The following ABAT variants were observed in gnomAD, a reference collection of about 807,000 sequenced individuals.
ABAT encodes 4-aminobutyrate aminotransferase, mitochondrial.
ABAT carries 45 observed loss-of-function variants against 64.6 expected under a neutral mutation model. That is an observed-to-expected ratio of 0.70 (90% CI 0.55 to 0.89). The LOEUF (loss-of-function observed/expected upper bound fraction) is 0.89, where lower values mean the gene tolerates loss of function less well. Among genes scored for constraint, ABAT ranks in the 40% least tolerant of loss-of-function variants. The probability of loss-of-function intolerance (pLI) is 0.00; values close to 1 mark genes in which losing one functional copy is unlikely to be tolerated. For missense variants in ABAT, 633 were observed against 658.4 expected, an observed-to-expected ratio of 0.96 and a Z score of 0.42; for synonymous variants, 297 against 250.5, an observed-to-expected ratio of 1.19 and a Z score of -1.75.
At chr16:8,710,727 A>AGAGAGAGAGAGAGAGAGAGG (rs146344975) in intron 1 of ABAT, among the ~76,000 whole-genome samples, 1 of 103,700 alleles carries the variant, frequency 9.6e-6, no homozygotes, top group Non-Finnish European at 2.1e-5. Context: ...AGAGAGAGAG[A>AGAGAGAGAGAGAGAGAGAGG]GAGGAAATAG....
intron 3 of ABAT, among the ~76,000 whole-genome samples, chr16:8,747,702 T>C (rs1034838963): frequency 6.6e-6 from 1 of 152,214 alleles, no homozygotes; most frequent in Non-Finnish European, 1.5e-5. Flanking sequence ...GTTTGGATTA[T>C]AATTATAAAT....
intron 2 of ABAT, among the ~76,000 whole-genome samples, chr16:8,743,318 C>CTGTGTG (rs56100974): frequency 1.2e-3 from 174 of 142,610 alleles, no homozygotes; most frequent in African/African-American, 3.9e-3. Flanking sequence ...ATGTGTGTCT[C>CTGTGTG]TGTGTGTGTG....
chr16:8,735,986 G>T (rs1441926982), intron 2 of ABAT, 177 bp downstream of exon 2: 3 of 614,792 alleles, frequency 4.9e-6, no homozygotes, highest in Non-Finnish European at 5.7e-6. Flanking sequence ...CTGAGACTGG[G>T]TATTTTATGA....
At chr16:8,717,710 G>GTT (rs2058251791) in intron 1 of ABAT, among the ~76,000 whole-genome samples, 1 of 152,184 alleles carries the variant, frequency 6.6e-6, no homozygotes, top group Admixed American at 6.5e-5. Context: ...TACCCAGTGA[G>GTT]TTTGTCAAGT....
At chr16:8,716,447 T>C (rs2058218477) in intron 1 of ABAT, among the ~76,000 whole-genome samples, 1 of 152,152 alleles carries the variant, frequency 6.6e-6, no homozygotes, top group South Asian at 2.1e-4. Flanking sequence ...GTTGCTGCAG[T>C]CGTGATCCCA....
intron 2 of ABAT, among the ~76,000 whole-genome samples, chr16:8,743,705 A>G (rs1025349015): frequency 1.5e-4 from 1 of 6,548 alleles, no homozygotes; most frequent in Non-Finnish European, 4.0e-4. Context: ...TATTTTAGTT[A>G]TATATGTAGT....
chr16:8,696,459 C>T (rs2057704590), intron 1 of ABAT, among the ~76,000 whole-genome samples: 1 of 152,098 alleles, frequency 6.6e-6, no homozygotes, highest in South Asian at 2.1e-4. Flanking sequence ...CCTGTCTCTA[C>T]TAAAAATACA....
At chr16:8,763,434 A>G (rs1308987009) in intron 6 of ABAT, among the ~76,000 whole-genome samples, 1 of 152,234 alleles carries the variant, frequency 6.6e-6, no homozygotes, top group Non-Finnish European at 1.5e-5. Context: ...GTCAAGTCCT[A>G]AAGCTACTGG....
chr16:8,735,955 A>T (rs2058915798), intron 2 of ABAT, 146 bp downstream of exon 2: 1 of 704,972 alleles, frequency 1.4e-6, no homozygotes, highest in Non-Finnish European at 2.5e-6. Context: ...GTCTGTTCTC[A>T]TGCTGCTAAT....
At chr16:8,735,656 G>A in intron 1 of ABAT, 43 bp from the exon 2 acceptor site, 2 of 1,483,498 alleles carry the variant, frequency 1.3e-6, no homozygotes, top group Non-Finnish European at 1.8e-6. Context: ...TGAGAGGGGA[G>A]TGGTCTTCAT....
intron 5 of ABAT, among the ~76,000 whole-genome samples, chr16:8,754,410 G>A (rs998116286): frequency 1.8e-4 from 28 of 152,006 alleles, no homozygotes; most frequent in Non-Finnish European, 3.4e-4. Flanking sequence ...GAGATTAGCC[G>A]GTGACTGGTA....
chr16:8,775,270 T>G (rs934183352), intron 13 of ABAT, among the ~76,000 whole-genome samples: 2 of 151,876 alleles, frequency 1.3e-5, no homozygotes, highest in Non-Finnish European at 2.9e-5. Flanking sequence ...CATCAGCCTT[T>G]TCCTGTTTTC....
intron 14 of ABAT, among the ~76,000 whole-genome samples, chr16:8,779,265 G>T (rs564832285): frequency 0.062 from 9,395 of 152,220 alleles, 346 homozygotes; most frequent in Middle Eastern, 0.12. Flanking sequence ...GGTGGTGGTG[G>T]TGGTTTTTTT....
At position 8,746,091 on chromosome 16, in the gene ABAT, G is replaced by A. The variant is rs761523769; in HGVS notation, c.161G>A (p.Arg54Lys). ...PLMKTEVPGP[R>K]SQELMKQLNI... ...ATGAAGACGGAAGTCCCAGGGCCTA[G>A]ATCTCAGGTGAGTTGAGCACACCTG... Residue 54 changes from arginine to lysine, a missense_variant, in exon 3 of 16, where the codon AGA (arginine) becomes AAA (lysine). By Grantham distance (26) the Arg-to-Lys change is conservative. Transcript: ENST00000268251. The A allele has an allele frequency of 1.9e-6, 3 of 1,613,250 alleles. No individual in the cohort carries two copies. The East Asian group carries it at 6.7e-5, about 36-fold the overall frequency.
At chr16:8,687,953 C>T (rs2057494879) in intron 1 of ABAT, among the ~76,000 whole-genome samples, 1 of 151,908 alleles carries the variant, frequency 6.6e-6, no homozygotes, top group Non-Finnish European at 1.5e-5. Context: ...AGCTGGAGTG[C>T]ACTGGCACCA....
At chr16:8,750,575 C>G in intron 5 of ABAT, 36 bp downstream of exon 5, 1 of 1,577,720 alleles carries the variant, frequency 6.3e-7, no homozygotes, top group South Asian at 1.1e-5. Flanking sequence ...GATATAACCT[C>G]TGTTTCTGTC....
At chr16:8,725,595 C>T (rs1368609197) in intron 1 of ABAT, among the ~76,000 whole-genome samples, 1 of 152,110 alleles carries the variant, frequency 6.6e-6, no homozygotes, top group Non-Finnish European at 1.5e-5. Context: ...AAGGATAGAC[C>T]ATGTTTTGTT....
At chr16:8,767,404 T>G (rs2059976513) in intron 9 of ABAT, among the ~76,000 whole-genome samples, 2 of 152,172 alleles carry the variant, frequency 1.3e-5, no homozygotes, top group African/African-American at 4.8e-5. Context: ...CTTGCCTTGG[T>G]CACCCTGGGA....
intron 1 of ABAT, among the ~76,000 whole-genome samples, chr16:8,734,278 C>G (rs556187609): frequency 6.6e-6 from 1 of 152,208 alleles, no homozygotes; most frequent in Non-Finnish European, 1.5e-5. Context: ...TGTTATGATT[C>G]ATTTCATTCT....
Sources: gnomAD v4.1 joint callset for allele counts (sites outside exome capture counted in the v4.1 genomes callset) on GRCh38, gnomAD v4.1.1 for gene constraint, MANE v1.5 for transcripts, NCBI Gene and HGNC (gene_info 2026-07-23, HGNC 2026-07-21) for gene names.